Variants in GPR20 observed in about 807,000 individuals in gnomAD.
The protein encoded by GPR20 is G protein-coupled receptor 20.
For missense variants in GPR20, 494 were observed against 527.4 expected, an observed-to-expected ratio of 0.94 and a Z score of 0.62; for synonymous variants, 241 against 241.9, an observed-to-expected ratio of 1.00 and a Z score of 0.04.
intron 1 of GPR20, 111 bp downstream of exon 1, chr8:141,367,090 C>T (rs1394851970): frequency 1.3e-5 from 2 of 152,282 alleles, no homozygotes; most frequent in Non-Finnish European, 2.9e-5. Flanking sequence ...CCCTGCCCTT[C>T]CCACTCCTGC....
At chr8:141,359,162 C>G (rs7823363) in intron 1 of GPR20, among the ~76,000 whole-genome samples, 1 of 152,010 alleles carries the variant, frequency 6.6e-6, no homozygotes, top group Non-Finnish European at 1.5e-5. Flanking sequence ...GCCCCTCCCC[C>G]ACCTGCTGGA....
intron 1 of GPR20, among the ~76,000 whole-genome samples, chr8:141,358,972 C>G (rs761405970): frequency 3.9e-5 from 6 of 152,120 alleles, no homozygotes; most frequent in Non-Finnish European, 7.4e-5. Flanking sequence ...CCTGCCCTGG[C>G]GTGTTTAACT....
chr8:141,357,841 C>G lies in GPR20; in HGVS notation c.83G>C (p.Ser28Thr), dbSNP rs1422405465. Residue 28 changes from serine to threonine, a missense_variant, in exon 2 of 2, where the codon AGC becomes ACC. By Grantham distance (58) the Ser-to-Thr change is moderately conservative. Coordinates refer to ENST00000377741, the MANE Select transcript of GPR20 (RefSeq NM_005293.3). The stretch of plus-strand genomic sequence containing the variant: ...GTGGAACAGGGGCACCTCCAGCCCG[C>G]TGGCATTGGTCCGCACTGTTGTCAC... ...TAVTTVRTNA[S>T]GLEVPLFHLF... The G allele has an allele frequency of 1.2e-6, 2 of 1,613,020 alleles. No homozygotes were observed. Among genetic ancestry groups the G allele is most frequent in the Admixed American group, 3.3e-5 (2 of 59,978 alleles).
intron 1 of GPR20, among the ~76,000 whole-genome samples, chr8:141,363,842 C>G (rs1831775490): frequency 6.6e-6 from 1 of 152,246 alleles, no homozygotes; most frequent in South Asian, 2.1e-4. Flanking sequence ...GGCCCCAGGG[C>G]AGCAGATGGC....
intron 1 of GPR20, among the ~76,000 whole-genome samples, chr8:141,363,124 C>T (rs141549188): frequency 7.2e-5 from 11 of 152,364 alleles, no homozygotes; most frequent in East Asian, 1.9e-4. Flanking sequence ...TTCGAGGCCT[C>T]GGGCAAATCA....
At chr8:141,360,657 C>T (rs1352527166) in intron 1 of GPR20, among the ~76,000 whole-genome samples, 2 of 152,244 alleles carry the variant, frequency 1.3e-5, no homozygotes, top group African/African-American at 2.4e-5. Context: ...GAAGTGGCTC[C>T]CTGGCGAGTG....
chr8:141,358,182 C>G (rs1362814551), intron 1 of GPR20, among the ~76,000 whole-genome samples: 1 of 152,260 alleles, frequency 6.6e-6, no homozygotes, highest in Non-Finnish European at 1.5e-5. Context: ...AATTCCAGGA[C>G]TGGCACTTGC....
At chr8:141,363,239 C>G (rs1196084269) in intron 1 of GPR20, among the ~76,000 whole-genome samples, 3 of 152,262 alleles carry the variant, frequency 2.0e-5, no homozygotes, top group Non-Finnish European at 4.4e-5. Flanking sequence ...GTGAGAAATA[C>G]TGCAGACACC....
At position 141,356,970 on chromosome 8, in the gene GPR20, A is replaced by G. The variant is rs962861896; in HGVS notation, c.954T>C (p.Arg318=). Residue 318 remains arginine, a synonymous_variant, in exon 2 of 2, where the codon CGT becomes CGC. Coordinates refer to ENST00000377741, the MANE Select transcript of GPR20 (RefSeq NM_005293.3). ...TGACCACGTCACCGCTGCTGGGCTC[A>G]CGCTCTCCGTGCTGGCCGAAGAGGC... ...VRGLFGQHGE[R]EPSSGDVVSM... 6.2e-7 allele frequency: 1 copy of G among 1,612,948 alleles called. No individual in the cohort carries two copies. The highest frequency in any genetic ancestry group is 1.7e-5 in the Admixed American group (1 of 60,024).
intron 1 of GPR20, among the ~76,000 whole-genome samples, chr8:141,359,930 G>A (rs1257493983): frequency 1.3e-5 from 2 of 152,204 alleles, no homozygotes; most frequent in East Asian, 3.8e-4. Context: ...TTTCCAATTT[G>A]TCTGCACGGG....
intron 1 of GPR20, among the ~76,000 whole-genome samples, chr8:141,360,147 G>A (rs535965084): frequency 2.9e-4 from 44 of 152,248 alleles, no homozygotes; most frequent in Non-Finnish European, 4.0e-4. Flanking sequence ...GAGCTGGGGG[G>A]ATGGGCAGAA....
chr8:141,356,693 A>G lies in GPR20; in HGVS notation c.*154T>C, dbSNP rs1020175926. On this transcript the variant is annotated 3_prime_UTR_variant, in exon 2 of 2. Coordinates refer to ENST00000377741, the MANE Select transcript of GPR20 (RefSeq NM_005293.3). ...CAGTGGCAGACATTGCTAATCAACCACAGCACAGTGGCCTTAGACGCTCAA... is the reference window on the plus strand; with the variant it reads ...CAGTGGCAGACATTGCTAATCAACCGCAGCACAGTGGCCTTAGACGCTCAA... 3 of 584,026 alleles carry G rather than the reference A, an allele frequency of 5.1e-6. No homozygotes were observed. The highest frequency in any genetic ancestry group is 9.0e-4 in the Middle Eastern group (2 of 2,226). The allele number at this position is 584,026 out of a possible 1,614,324, so 36.2% of individuals were successfully genotyped here.
chr8:141,364,634 G>A (rs1315517109), intron 1 of GPR20, among the ~76,000 whole-genome samples: 2 of 152,188 alleles, frequency 1.3e-5, no homozygotes, highest in African/African-American at 2.4e-5. Context: ...CATCTGACCC[G>A]ACTCTGCCTC....
At chr8:141,359,916 T>A (rs1460056687) in intron 1 of GPR20, among the ~76,000 whole-genome samples, 1 of 152,242 alleles carries the variant, frequency 6.6e-6, no homozygotes, top group East Asian at 1.9e-4. Context: ...ATGTGCCTTT[T>A]GCTTTTCCAA....
chr8:141,360,951 G>A (rs138573035), intron 1 of GPR20, among the ~76,000 whole-genome samples: 69 of 152,348 alleles, frequency 4.5e-4, no homozygotes, highest in Admixed American at 1.6e-3. Flanking sequence ...AGAGCCGGCC[G>A]GAGAGGGGAG....
chr8:141,360,950 C>T (rs778554481), intron 1 of GPR20, among the ~76,000 whole-genome samples: 4 of 152,188 alleles, frequency 2.6e-5, no homozygotes, highest in East Asian at 1.9e-4. Context: ...CAGAGCCGGC[C>T]GGAGAGGGGA....
In GPR20 at chr8:141,356,707, T is replaced by C. The variant is rs373408090; in HGVS notation, c.*140A>G. 6 of 615,582 alleles carry C rather than the reference T, an allele frequency of 9.7e-6. No individual in the cohort carries two copies. In the African/African-American group the frequency reaches 1.1e-4, roughly 11 times the overall value. 38.1% of individuals were successfully genotyped at this position (615,582 alleles called of 1,614,324 possible). On this transcript the variant is annotated 3_prime_UTR_variant, in exon 2 of 2. Coordinates refer to ENST00000377741, the MANE Select transcript of GPR20 (RefSeq NM_005293.3). ...GCTAATCAACCACAGCACAGTGGCC[T>C]TAGACGCTCAATGCGGTGCTCTGGG...
intron 1 of GPR20, among the ~76,000 whole-genome samples, chr8:141,359,151 C>T (rs143236096): frequency 1.1e-3 from 172 of 152,208 alleles, no homozygotes; most frequent in African/African-American, 3.6e-3. Context: ...TTCTGCACAG[C>T]GCCCCTCCCC....
At chr8:141,362,770 C>CTCTTTCTT (rs545072324) in intron 1 of GPR20, among the ~76,000 whole-genome samples, 49 of 149,888 alleles carry the variant, frequency 3.3e-4, no homozygotes, top group Non-Finnish European at 5.9e-4. Context: ...CCCATCACCA[C>CTCTTTCTT]TCTTTCTTTC....
Sources: gnomAD v4.1 joint callset for allele counts (sites outside exome capture counted in the v4.1 genomes callset) on GRCh38, gnomAD v4.1.1 for gene constraint, MANE v1.5 for transcripts, NCBI Gene and HGNC (gene_info 2026-07-23, HGNC 2026-07-21) for gene names.